The following DEPDC1B variants were observed in gnomAD, a reference collection of about 807,000 sequenced individuals.
The protein encoded by DEPDC1B is DEP domain containing 1B, also known as DEP domain-containing protein 1B.
A neutral mutation model predicts 66.5 loss-of-function variants in DEPDC1B; 51 were observed. The ratio of observed to expected loss-of-function variants is 0.77; its 90% CI spans 0.61 to 0.97. The LOEUF is 0.97. Ranked by LOEUF, DEPDC1B falls within the 50% of genes least tolerant of loss-of-function variation. The probability of loss-of-function intolerance (pLI) is 0.00; values close to 1 mark genes in which losing one functional copy is unlikely to be tolerated. For synonymous variants in DEPDC1B, 226 were observed against 223.6 expected (o/e 1.01, Z -0.10); for missense variants, 552 against 637.1 (o/e 0.87, Z 1.44).
At chr5:60,617,893 G>C (rs769846138) in intron 7 of DEPDC1B, among the ~76,000 whole-genome samples, 45 of 152,280 alleles carry the variant, frequency 3.0e-4, no homozygotes, top group Non-Finnish European at 6.0e-4. Context: ...TGGAAGTAAA[G>C]CACTCCTCAG....
chr5:60,605,977 T>A, intron 7 of DEPDC1B, 121 bp from the exon 8 acceptor site: 1 of 830,404 alleles, frequency 1.2e-6, no homozygotes, highest in Non-Finnish European at 1.8e-6. Context: ...CATATTCAAC[T>A]ATACTGGGTC....
intron 7 of DEPDC1B, among the ~76,000 whole-genome samples, chr5:60,606,576 C>A (rs1752313780): frequency 7.7e-6 from 1 of 129,524 alleles, no homozygotes; most frequent in Non-Finnish European, 1.5e-5. Context: ...AATTTGAGAC[C>A]AGCCTGGGCA....
Position 60,603,577 on chromosome 5 carries a change from G to A in DEPDC1B, c.1066-10C>T. The A allele has an allele frequency of 1.9e-6, 3 of 1,580,868 alleles. No homozygotes were observed. Among genetic ancestry groups the A allele is most frequent in the Non-Finnish European group, 2.6e-6 (3 of 1,168,624 alleles). ...AAAATGTCTGAACCATCTAAAAAAA[G>A]AGCGGGGTGGGGGGTAAACGCAGAT... On this transcript the variant is annotated splice_polypyrimidine_tract_variant and intron_variant, in intron 8 of 10. Coordinates refer to ENST00000265036, the MANE Select transcript of DEPDC1B (RefSeq NM_018369.3).
intron 7 of DEPDC1B, among the ~76,000 whole-genome samples, chr5:60,616,460 G>T (rs1301009341): frequency 6.6e-6 from 1 of 152,188 alleles, no homozygotes; most frequent in African/African-American, 2.4e-5. Context: ...ACCAGATGAA[G>T]CTGAAAACCA....
intron 2 of DEPDC1B, among the ~76,000 whole-genome samples, chr5:60,686,148 A>C (rs1318280694): frequency 6.6e-6 from 1 of 152,228 alleles, no homozygotes; most frequent in Non-Finnish European, 1.5e-5. Flanking sequence ...CATGTGTCCC[A>C]GTGGAATGCC....
intron 2 of DEPDC1B, among the ~76,000 whole-genome samples, chr5:60,653,725 T>C (rs1561376715): frequency 6.6e-6 from 1 of 150,438 alleles, no homozygotes; most frequent in East Asian, 2.0e-4. Context: ...TTCTGCGATT[T>C]TTATGATTTC....
intron 7 of DEPDC1B, among the ~76,000 whole-genome samples, chr5:60,633,791 C>G (rs948019323): frequency 1.2e-4 from 18 of 152,224 alleles, no homozygotes; most frequent in African/African-American, 4.3e-4. Context: ...ATTTTTCCTT[C>G]ACTTTACAAA....
chr5:60,607,342 G>C (rs1584023084), intron 7 of DEPDC1B, among the ~76,000 whole-genome samples: 1 of 152,300 alleles, frequency 6.6e-6, no homozygotes, highest in African/African-American at 2.4e-5. Flanking sequence ...GCTGATCCTA[G>C]ACGTACTCAG....
chr5:60,616,437 A>C (rs1752556745), intron 7 of DEPDC1B, among the ~76,000 whole-genome samples: 2 of 152,234 alleles, frequency 1.3e-5, no homozygotes. Context: ...CAATGCAGAG[A>C]AGTCCTTAAA....
intron 7 of DEPDC1B, among the ~76,000 whole-genome samples, chr5:60,610,271 A>T (rs970033504): frequency 6.6e-6 from 1 of 152,238 alleles, no homozygotes; most frequent in Non-Finnish European, 1.5e-5. Context: ...AAATCAGAAA[A>T]TGGTGTCAAT....
intron 6 of DEPDC1B, among the ~76,000 whole-genome samples, chr5:60,641,349 CTT>C (rs11326495): frequency 1.0e-3 from 131 of 128,584 alleles, no homozygotes; most frequent in Middle Eastern, 3.8e-3. Flanking sequence ...TGATCAACTT[CTT>C]TTTTTTTTTT....
intron 7 of DEPDC1B, 92 bp downstream of exon 7, chr5:60,638,658 T>G: frequency 1.1e-5 from 14 of 1,289,720 alleles, no homozygotes; most frequent in African/African-American, 1.5e-5. Flanking sequence ...TAAAATGGCA[T>G]GAGTTTTGGC....
At chr5:60,674,831 T>C (rs549819545) in intron 2 of DEPDC1B, among the ~76,000 whole-genome samples, 7 of 151,984 alleles carry the variant, frequency 4.6e-5, no homozygotes, top group African/African-American at 9.7e-5. Context: ...ACAAAATCAA[T>C]TGGACAGCTG....
intron 10 of DEPDC1B, among the ~76,000 whole-genome samples, chr5:60,598,691 C>T (rs1752143501): frequency 6.6e-6 from 1 of 152,176 alleles, no homozygotes; most frequent in African/African-American, 2.4e-5. Context: ...AAACTCTAAA[C>T]ATTTTACACC....
chr5:60,600,174 T>C (rs1752176136), intron 9 of DEPDC1B, among the ~76,000 whole-genome samples: 1 of 152,164 alleles, frequency 6.6e-6, no homozygotes, highest in African/African-American at 2.4e-5. Flanking sequence ...GCTAAGCTTT[T>C]AGGAAGAGAG....
At chr5:60,621,599 G>C (rs1752703133) in intron 7 of DEPDC1B, among the ~76,000 whole-genome samples, 1 of 151,648 alleles carries the variant, frequency 6.6e-6, no homozygotes. Context: ...CGACTTAATG[G>C]GTGCAGCACA....
intron 7 of DEPDC1B, chr5:60,630,698 T>C (rs1050294270): frequency 7.9e-5 from 12 of 152,492 alleles, no homozygotes; most frequent in African/African-American, 2.2e-4. Flanking sequence ...TCTGCAACTG[T>C]GGGCTCTTTA....
At chr5:60,650,186 T>TA (rs1753412776) in intron 2 of DEPDC1B, among the ~76,000 whole-genome samples, 1 of 151,646 alleles carries the variant, frequency 6.6e-6, no homozygotes, top group Non-Finnish European at 1.5e-5. Flanking sequence ...CCCCCATCTC[T>TA]AAAGTAAAAA....
intron 2 of DEPDC1B, among the ~76,000 whole-genome samples, chr5:60,678,770 G>A (rs1165519871): frequency 2.0e-5 from 3 of 152,098 alleles, no homozygotes; most frequent in Admixed American, 6.5e-5. Flanking sequence ...TTGAGTTGAT[G>A]AGCTCTTTAC....
Sources: allele counts gnomAD v4.1 joint callset (sites outside exome capture counted in the v4.1 genomes callset), GRCh38; gene constraint gnomAD v4.1.1; transcripts MANE v1.5; gene names NCBI Gene and HGNC (gene_info 2026-07-23, HGNC 2026-07-21).